The following OR56A3 variants were observed in gnomAD, a reference collection of about 807,000 sequenced individuals.
OR56A3 encodes olfactory receptor family 56 subfamily A member 3, also known as olfactory receptor 56A3.
Under a neutral mutation model 17.5 loss-of-function variants are expected in OR56A3, and 23 were observed. The observed-to-expected ratio is 1.32, with a 90% CI of 0.95 to 1.87. The LOEUF (loss-of-function observed/expected upper bound fraction) is 1.87, where lower values mean the gene tolerates loss of function less well. Among genes scored for constraint, OR56A3 ranks in the 40% most tolerant of loss-of-function variants. OR56A3 has a pLI of 0.00. For missense variants in OR56A3, 366 were observed against 380.1 expected (o/e 0.96, Z 0.31); for synonymous variants, 175 against 150.6 (o/e 1.16, Z -1.19).
At chr11:5,978,218 T>C in the OR56A3 span, among the ~76,000 whole-genome samples, 16 of 152,318 alleles carry the variant, frequency 1.1e-4, no homozygotes, top group Non-Finnish European at 1.9e-4. Context: ...AATTTTACAA[T>C]AGTTTTTTTC....
chr11:5,989,646 T>C, the OR56A3 span, among the ~76,000 whole-genome samples: 1 of 152,102 alleles, frequency 6.6e-6, no homozygotes, highest in African/African-American at 2.4e-5. Context: ...GGGAGGTGGA[T>C]AAGGCATAAA....
the OR56A3 span, among the ~76,000 whole-genome samples, chr11:6,015,907 G>A: frequency 0.24 from 36,882 of 152,078 alleles, 5,923 homozygotes; most frequent in East Asian, 0.78. Context: ...AGACTTTGGG[G>A]GACTGTTGGG....
chr11:5,947,889 C>T lies in OR56A3; in HGVS notation c.543C>T (p.Cys181=). 6.2e-7 allele frequency: 1 copy of T among 1,614,218 alleles called. No homozygotes were observed. Among genetic ancestry groups the T allele is most frequent in the Non-Finnish European group, 8.5e-7 (1 of 1,180,032 alleles). The stretch of plus-strand genomic sequence containing the variant: ...GTGGAAGAAATGTCATTGAGAACTG[C>T]ATCTGTGCCAATATGTCTGTTTCCA... ...RYCGRNVIEN[C]ICANMSVSRL... is the part of the protein sequence containing the mutation. Residue 181 remains cysteine (C), a synonymous_variant, in exon 3 of 3, where the codon TGC becomes TGT. Coordinates refer to ENST00000641160, the MANE Select transcript of OR56A3 (RefSeq NM_001003443.3).
At chr11:6,013,765 C>T in the OR56A3 span, among the ~76,000 whole-genome samples, 85 of 152,256 alleles carry the variant, frequency 5.6e-4, no homozygotes, top group African/African-American at 1.9e-3. Context: ...CCATGTGCAC[C>T]ATCAGAGAGC....
chr11:5,952,700 C>G (rs190879561), downstream of OR56A3, among the ~76,000 whole-genome samples: 1 of 152,158 alleles, frequency 6.6e-6, no homozygotes, highest in East Asian at 1.9e-4. Flanking sequence ...AGGTTTGTCA[C>G]CTGGGCATAT....
the OR56A3 span, chr11:6,020,507 A>T: frequency 6.6e-6 from 1 of 151,954 alleles, no homozygotes; most frequent in Non-Finnish European, 1.5e-5. Context: ...GGTAATTCTC[A>T]CTGTAGAGAT....
At chr11:5,981,690 C>T in the OR56A3 span, among the ~76,000 whole-genome samples, 1 of 152,158 alleles carries the variant, frequency 6.6e-6, no homozygotes, top group Admixed American at 6.5e-5. Context: ...TGGTTAAGAA[C>T]CATTGCTGGG....
At chr11:5,985,793 G>T in the OR56A3 span, 1 of 705,770 alleles carries the variant, frequency 1.4e-6, no homozygotes, top group Non-Finnish European at 2.3e-6. Context: ...CCAAGTATCT[G>T]TGGGTGTTCT....
the OR56A3 span, chr11:6,002,206 T>C: frequency 1.2e-6 from 2 of 1,614,170 alleles, no homozygotes; most frequent in East Asian, 4.5e-5. Flanking sequence ...AGGTTAGTGA[T>C]GACCAGAACC....
chr11:5,986,701 A>G, the OR56A3 span: 2 of 1,613,988 alleles, frequency 1.2e-6, no homozygotes, highest in African/African-American at 1.3e-5. Context: ...GAAGAGGTAC[A>G]TAGATTGGTG....
At chr11:6,006,204 A>G in the OR56A3 span, 1 of 152,198 alleles carries the variant, frequency 6.6e-6, no homozygotes, top group Non-Finnish European at 1.5e-5. Context: ...GCACTGATAG[A>G]TTCTTCCAGG....
rs1011752075 is a variant in OR56A3 at position 5,948,994 on chromosome 11, C to T, written c.*700C>T. ...TCTTGAATCCTCTTCCCCAATGTGT[C>T]TGTGCTTAGAACATTTATCTTTCAG... On this transcript the variant is annotated 3_prime_UTR_variant, in exon 3 of 3. Coordinates refer to ENST00000641160, the MANE Select transcript of OR56A3 (RefSeq NM_001003443.3). The T allele has an allele frequency of 6.6e-6, 1 of 152,238 alleles. No individual in the cohort carries two copies. Among genetic ancestry groups the T allele is most frequent in the Admixed American group, 6.5e-5 (1 of 15,282 alleles). The allele number at this position is 152,238 out of a possible 1,614,324, so 9.4% of individuals were successfully genotyped here.
At chr11:6,014,491 C>T in the OR56A3 span, among the ~76,000 whole-genome samples, 1 of 152,194 alleles carries the variant, frequency 6.6e-6, no homozygotes, top group African/African-American at 2.4e-5. Flanking sequence ...TCCTTCTTTG[C>T]CTTCCTCCAT....
chr11:5,984,644 T>C, the OR56A3 span, among the ~76,000 whole-genome samples: 2 of 152,198 alleles, frequency 1.3e-5, no homozygotes, highest in South Asian at 4.1e-4. Context: ...GTGCAATTCC[T>C]CCTGCAATAA....
chr11:6,018,040 G>GTGTATA, the OR56A3 span, among the ~76,000 whole-genome samples: 1 of 20,876 alleles, frequency 4.8e-5, no homozygotes, highest in African/African-American at 1.3e-4. Flanking sequence ...GTGTGTGTGT[G>GTGTATA]TATATATATA....
the OR56A3 span, chr11:5,968,174 C>T: frequency 1.9e-6 from 3 of 1,614,158 alleles, no homozygotes; most frequent in South Asian, 3.3e-5. Flanking sequence ...GAAAACTGTT[C>T]ATGATGAACA....
the OR56A3 span, among the ~76,000 whole-genome samples, chr11:5,964,620 G>T: frequency 1.3e-5 from 2 of 152,180 alleles, no homozygotes; most frequent in Admixed American, 1.3e-4. Flanking sequence ...ATTCAGATCT[G>T]CATGTAGTTA....
chr11:5,960,667 T>C, the OR56A3 span, among the ~76,000 whole-genome samples: 1 of 152,192 alleles, frequency 6.6e-6, no homozygotes, highest in Non-Finnish European at 1.5e-5. Context: ...TTGCAGCCTC[T>C]GCCCGGCCGC....
the OR56A3 span, among the ~76,000 whole-genome samples, chr11:6,014,822 C>T: frequency 1.3e-5 from 2 of 151,326 alleles, no homozygotes; most frequent in Admixed American, 1.3e-4. Context: ...TGGGAACTGG[C>T]GTAAAGGTCA....
Sources: allele counts gnomAD v4.1 joint callset (sites outside exome capture counted in the v4.1 genomes callset), GRCh38; gene constraint gnomAD v4.1.1; transcripts MANE v1.5; gene names NCBI Gene and HGNC (gene_info 2026-07-23, HGNC 2026-07-21).